Variants in EEF1AKMT3 observed in about 807,000 individuals in gnomAD.
The protein encoded by EEF1AKMT3 is eEF1A-KMT3.
A neutral mutation model predicts 17.8 loss-of-function variants in EEF1AKMT3; 17 were observed. The observed-to-expected ratio is 0.96, with a 90% CI of 0.65 to 1.43. The LOEUF (loss-of-function observed/expected upper bound fraction) is 1.43, where lower values mean the gene tolerates loss of function less well. Among genes scored for constraint, EEF1AKMT3 ranks in the 40% most tolerant of loss-of-function variants. The probability of loss-of-function intolerance (pLI) is 0.00; values close to 1 mark genes in which losing one functional copy is unlikely to be tolerated. For missense variants in EEF1AKMT3, 244 were observed against 285.8 expected (o/e 0.85, Z 1.06); for synonymous variants, 116 against 126.5 (o/e 0.92, Z 0.56).
chr12:57,780,132 G>A, intron 2 of EEF1AKMT3, 123 bp from the exon 3 acceptor site: 6 of 1,192,984 alleles, frequency 5.0e-6, no homozygotes, highest in South Asian at 1.5e-5. Context: ...AAAAGCCAGT[G>A]TGGGCTCTGG....
At position 57,782,514 on chromosome 12, in the gene EEF1AKMT3, T is replaced by G. The variant is rs1955523501; in HGVS notation, c.*1868T>G. Reference sequence around the variant, plus strand: ...ATGGATAATGAATATAAATGCGCATTGAAAATAAACATAAAATGTTACCCA... The same window carrying G: ...ATGGATAATGAATATAAATGCGCATGGAAAATAAACATAAAATGTTACCCA... On this transcript the variant is annotated 3_prime_UTR_variant, in exon 3 of 3. Coordinates refer to ENST00000300209, the MANE Select transcript of EEF1AKMT3 (RefSeq NM_015433.3). The G allele has an allele frequency of 1.1e-5, 5 of 443,684 alleles. No homozygotes were observed. In the East Asian group the frequency reaches 1.8e-4, roughly 16 times the overall value. The allele number at this position is 443,684 out of a possible 1,614,324, so 27.5% of individuals were successfully genotyped here.
intron 2 of EEF1AKMT3, 115 bp downstream of exon 2, chr12:57,773,243 T>G (rs1414959336): frequency 1.1e-6 from 1 of 947,714 alleles, no homozygotes; most frequent in African/African-American, 1.7e-5. Context: ...TAACCCCTTC[T>G]TTTTAACAAA....
In EEF1AKMT3 at chr12:57,781,019, A is replaced by G. The variant is rs1322572961; in HGVS notation, c.*373A>G. 38 of 241,104 alleles carry G rather than the reference A, an allele frequency of 1.6e-4. No homozygotes were observed. The highest frequency in any genetic ancestry group is 3.2e-5 in the Non-Finnish European group (4 of 125,778). The allele number at this position is 241,104 out of a possible 1,614,324, so 14.9% of individuals were successfully genotyped here. Reference sequence around the variant, plus strand: ...CACTTCCATTCCTGTTGCTGTTTACACAGAATGGACTTTAAAAAAATTCTG... The same window carrying G: ...CACTTCCATTCCTGTTGCTGTTTACGCAGAATGGACTTTAAAAAAATTCTG... On this transcript the variant is annotated 3_prime_UTR_variant, in exon 3 of 3. Transcript: ENST00000300209.
At position 57,780,265 on chromosome 12, in the gene EEF1AKMT3, T is replaced by TA; in HGVS notation, c.301dup (p.Thr101AsnfsTer4). The TA allele has an allele frequency of 6.2e-7, 1 of 1,612,556 alleles. No homozygotes were observed. The highest frequency in any genetic ancestry group is 8.5e-7 in the Non-Finnish European group (1 of 1,179,662). ...CTTCCTCTCTCTCAGGGGGGGATGTTACCATCACTGACCTGCCCCTGGCCC... is the reference window on the plus strand; with the variant it reads ...CTTCCTCTCTCTCAGGGGGGGATGTTAACCATCACTGACCTGCCCCTGGCCC... On this transcript the variant is annotated frameshift_variant, in exon 3 of 3. Coordinates refer to ENST00000300209, the MANE Select transcript of EEF1AKMT3 (RefSeq NM_015433.3). LOFTEE classifies it high-confidence loss of function.
Position 57,782,468 on chromosome 12 carries a change from C to A in EEF1AKMT3, c.*1822C>A. ...TTCTCGAACCCATTCACCAACCACA[C>A]AAGTTTGTTGTGAGTCATAAATGGA... On this transcript the variant is annotated 3_prime_UTR_variant, in exon 3 of 3. Coordinates refer to ENST00000300209, the MANE Select transcript of EEF1AKMT3 (RefSeq NM_015433.3). The A allele has an allele frequency of 3.4e-6, 1 of 293,226 alleles. No homozygotes were observed. Among genetic ancestry groups the A allele is most frequent in the East Asian group, 7.1e-5 (1 of 14,166 alleles). The allele number at this position is 293,226 out of a possible 1,614,324, so 18.2% of individuals were successfully genotyped here.
rs1565818236 is a variant in EEF1AKMT3 at position 57,780,654 on chromosome 12, C to T, written c.*8C>T. ...GAACCAAGACCTGCTTGACATCACC[C>T]TTGCTGTTCTTCTCAATCTCTTGCT... On this transcript the variant is annotated 3_prime_UTR_variant, in exon 3 of 3. Transcript: ENST00000300209. The T allele has an allele frequency of 1.2e-6, 2 of 1,603,538 alleles. No homozygotes were observed. Among genetic ancestry groups the T allele is most frequent in the Non-Finnish European group, 1.7e-6 (2 of 1,179,808 alleles).
chr12:57,774,998 G>A (rs1230536691), intron 2 of EEF1AKMT3, among the ~76,000 whole-genome samples: 1 of 151,340 alleles, frequency 6.6e-6, no homozygotes, highest in Non-Finnish European at 1.5e-5. Flanking sequence ...CCAGCTACTT[G>A]GGGGGCTGAG....
At chr12:57,775,894 TCA>T (rs1734499295) in intron 2 of EEF1AKMT3, among the ~76,000 whole-genome samples, 1 of 152,174 alleles carries the variant, frequency 6.6e-6, no homozygotes, top group Non-Finnish European at 1.5e-5. Context: ...TGTCCATTAT[TCA>T]GTTTATCTCC....
chr12:57,773,128 G>T lies in EEF1AKMT3; in HGVS notation c.289G>T (p.Gly97Trp). Residue 97 changes from glycine (G) to tryptophan (W), a missense_variant and splice_region_variant, in exon 2 of 3, where the codon GGG becomes TGG. By Grantham distance (184) the Gly-to-Trp change is radical. Coordinates refer to ENST00000300209, the MANE Select transcript of EEF1AKMT3 (RefSeq NM_015433.3). ...CGTGGGGATCTTGGCAGCGCTGCAG[G>T]GTGCGTGAGCTGGCTTTTTACGGGA... ...GIVGILAALQ[G>W]GDVTITDLPL... is the part of the protein sequence containing the mutation. 1 of 1,614,104 alleles carries T rather than the reference G, an allele frequency of 6.2e-7. No individual in the cohort carries two copies. The highest frequency in any genetic ancestry group is 1.1e-5 in the South Asian group (1 of 91,056).
chr12:57,780,063 A>T (rs1382330118), intron 2 of EEF1AKMT3, among the ~76,000 whole-genome samples, 192 bp from the exon 3 acceptor site: 1 of 152,146 alleles, frequency 6.6e-6, no homozygotes, highest in Non-Finnish European at 1.5e-5. Flanking sequence ...GAGAATGTTG[A>T]TGTTGTAGAA....
intron 2 of EEF1AKMT3, among the ~76,000 whole-genome samples, chr12:57,776,732 C>T (rs950247187): frequency 1.3e-5 from 2 of 152,116 alleles, no homozygotes; most frequent in Admixed American, 1.3e-4. Context: ...TTCACTGCAA[C>T]CTCTGCTTCC....
rs1272634579 is a variant in EEF1AKMT3 at position 57,780,390 on chromosome 12, C to A, written c.425C>A (p.Ala142Glu). The A allele has an allele frequency of 6.2e-7, 1 of 1,614,210 alleles. No homozygotes were observed. The highest frequency in any genetic ancestry group is 1.1e-5 in the South Asian group (1 of 91,090). The change falls in exon 3 of 3, where the codon GCA becomes GAA. Residue 142 changes from alanine to glutamate, a missense_variant. By Grantham distance (107) the Ala-to-Glu change is moderately radical. Coordinates refer to ENST00000300209, the MANE Select transcript of EEF1AKMT3 (RefSeq NM_015433.3). ...SWGIDHHVFP[A>E]NYDLVLGADI... ...GGGATTGACCATCATGTCTTCCCTG[C>A]AAACTATGACCTGGTGCTGGGGGCT...
Position 57,780,725 on chromosome 12 carries a change from C to T in EEF1AKMT3, c.*79C>T. The T allele has an allele frequency of 1.4e-5, 22 of 1,552,812 alleles. No homozygotes were observed. The highest frequency in any genetic ancestry group is 1.8e-5 in the Non-Finnish European group (21 of 1,154,080). On this transcript the variant is annotated 3_prime_UTR_variant, in exon 3 of 3. Coordinates refer to ENST00000300209, the MANE Select transcript of EEF1AKMT3 (RefSeq NM_015433.3). ...CTCAAAAACCATATTTCCAGAGCCA[C>T]AAACATGAGGACCAAAAAGGATGGA...
At chr12:57,778,363 C>T (rs995695797) in intron 2 of EEF1AKMT3, among the ~76,000 whole-genome samples, 11 of 123,704 alleles carry the variant, frequency 8.9e-5, no homozygotes, top group Non-Finnish European at 1.7e-4. Context: ...ACAATCATGG[C>T]TCACTAAAGC....
chr12:57,777,635 G>A (rs1354760864), intron 2 of EEF1AKMT3, among the ~76,000 whole-genome samples: 1 of 152,190 alleles, frequency 6.6e-6, no homozygotes, highest in African/African-American at 2.4e-5. Context: ...AACTGAAAAT[G>A]TGAGTGCCCC....
At position 57,780,481 on chromosome 12, in the gene EEF1AKMT3, C is replaced by A. The variant is rs1955506173; in HGVS notation, c.516C>A (p.Pro172=). 1.2e-6 allele frequency: 2 copies of A among 1,614,070 alleles called. No individual in the cohort carries two copies. Among genetic ancestry groups the A allele is most frequent in the African/African-American group, 2.7e-5 (2 of 74,938 alleles). The change falls in exon 3 of 3, where the codon CCC becomes CCA. Residue 172 remains proline (P), a synonymous_variant. Coordinates refer to ENST00000300209, the MANE Select transcript of EEF1AKMT3 (RefSeq NM_015433.3). ...GGACCCTCCAACACCTGTGCAGGCC[C>A]CATGGCACCATCTATCTGGCCTCCA... is the stretch of plus-strand genomic sequence containing the variant. ...LLGTLQHLCR[P]HGTIYLASKM...
intron 2 of EEF1AKMT3, chr12:57,774,853 C>T (rs1955470080): frequency 2.2e-6 from 3 of 1,338,232 alleles, no homozygotes; most frequent in Non-Finnish European, 3.1e-6. Context: ...TGCCTATAAT[C>T]CCGGCACTTT....
In EEF1AKMT3 at chr12:57,772,870, G is replaced by A; in HGVS notation, c.146G>A (p.Arg49His). The change falls in exon 1 of 3, where the codon CGC (arginine) becomes CAC (histidine). Residue 49 changes from arginine to histidine, a missense_variant. By Grantham distance (29) the Arg-to-His change is conservative. Coordinates refer to ENST00000300209, the MANE Select transcript of EEF1AKMT3 (RefSeq NM_015433.3). The surrounding 1 kb of genome is among the most constrained non-coding windows in gnomAD (Gnocchi z 4.1). Reference sequence around the variant, plus strand: ...ACCATCACGCAGAACTTTGGGTCCCGCCTCGGGGTGGCGGCGCGCGTGTGG... The same window carrying A: ...ACCATCACGCAGAACTTTGGGTCCCACCTCGGGGTGGCGGCGCGCGTGTGG... ...VLTITQNFGS[R>H]LGVAARVWDA... 6.2e-7 allele frequency: 1 copy of A among 1,614,140 alleles called. No homozygotes were observed. Among genetic ancestry groups the A allele is most frequent in the Non-Finnish European group, 8.5e-7 (1 of 1,179,982 alleles).
intron 2 of EEF1AKMT3, among the ~76,000 whole-genome samples, chr12:57,773,547 C>T (rs1955459992): frequency 6.6e-6 from 1 of 152,176 alleles, no homozygotes; most frequent in Non-Finnish European, 1.5e-5. Flanking sequence ...CATGCCTCAG[C>T]CTCCGAAGTA....
Sources: gnomAD v4.1 joint callset for allele counts (sites outside exome capture counted in the v4.1 genomes callset) on GRCh38, gnomAD v4.1.1 for gene constraint, Gnocchi (gnomAD v3.1) non-coding constraint, MANE v1.5 for transcripts, NCBI Gene and HGNC (gene_info 2026-07-23, HGNC 2026-07-21) for gene names.